Variants in TIAM2 observed in about 807,000 individuals in gnomAD.
The protein encoded by TIAM2 is rho guanine nucleotide exchange factor TIAM2.
A neutral mutation model predicts 152.9 loss-of-function variants in TIAM2; 80 were observed. The observed-to-expected ratio is 0.52, with a 90% CI of 0.44 to 0.63. The LOEUF is 0.63. Ranked by LOEUF, TIAM2 falls within the 30% of genes least tolerant of loss-of-function variation. The probability of loss-of-function intolerance (pLI) is 0.00; values close to 1 mark genes in which losing one functional copy is unlikely to be tolerated. For missense variants in TIAM2, 1,965 were observed against 2,120.1 expected (o/e 0.93, Z 1.44); for synonymous variants, 804 against 838.0 (o/e 0.96, Z 0.70).
At position 155,188,526 on chromosome 6, in the gene TIAM2, T is replaced by C. The variant is rs114534826; in HGVS notation, c.3064+5026T>C. On this transcript the variant is annotated intron_variant, in intron 14 of 26. Transcript: ENST00000682666. ...ATTTGACTTGAGCGGAAATATCATC[T>C]GTAAAAACTTTTTATGGAGAGAATT... Among the ~76,000 whole-genome samples, 1,048 of 152,358 alleles carry C rather than the reference T, an allele frequency of 6.9e-3. 14 individuals are homozygous for C. The highest frequency in any genetic ancestry group is 0.024 in the African/African-American group (985 of 41,590).
intron 1 of TIAM2, among the ~76,000 whole-genome samples, chr6:155,044,737 G>A (rs980597151): frequency 2.0e-5 from 3 of 151,912 alleles, no homozygotes; most frequent in African/African-American, 7.3e-5. Flanking sequence ...GTTTGAACCC[G>A]GGAGGCAGAG....
intron 1 of TIAM2, among the ~76,000 whole-genome samples, chr6:155,069,399 G>A (rs1247146442): frequency 6.6e-6 from 1 of 152,038 alleles, no homozygotes; most frequent in Middle Eastern, 3.2e-3. Flanking sequence ...CAGCCTGTTA[G>A]TAAACTTTAT....
rs201873912 is a variant in TIAM2 at position 155,256,970 on chromosome 6, C to T, written c.4955C>T (p.Ala1652Val). 3.9e-4 allele frequency: 633 copies of T among 1,614,126 alleles called. 2 individuals carry two copies. Among genetic ancestry groups the T allele is most frequent in the Non-Finnish European group, 5.0e-4 (588 of 1,180,018 alleles). The change falls in exon 27 of 27, where the codon GCG becomes GTG. Residue 1652 changes from alanine (A) to valine (V), a missense_variant. Around this residue, in one of 3 missense-constraint regions of TIAM2, gnomAD observed 935 missense variants for 980.0 expected, o/e 0.95. Transcript: ENST00000682666. ...TKRDRGTLLKAQIRHQSLDSQ... is the reference protein window; with the variant it reads ...TKRDRGTLLKVQIRHQSLDSQ... ...AGGGACAGAGGAACTTTGCTCAAGG[C>T]GCAGATCCGTCACCAGTCCCTTGAC...
At chr6:155,038,423 T>C (rs1279526512) in intron 1 of TIAM2, among the ~76,000 whole-genome samples, 1 of 152,144 alleles carries the variant, frequency 6.6e-6, no homozygotes, top group Admixed American at 6.5e-5. Context: ...ATTTCCACTC[T>C]CCCTTAAATG....
chr6:155,215,779 T>TG (rs1385619054), intron 15 of TIAM2, among the ~76,000 whole-genome samples: 1 of 149,880 alleles, frequency 6.7e-6, no homozygotes, highest in African/African-American at 2.4e-5. Flanking sequence ...AATCCTCTTC[T>TG]GGATTTTTTT....
chr6:155,218,630 T>C lies in TIAM2; in HGVS notation c.3168+7323T>C, dbSNP rs1781932696. On this transcript the variant is annotated intron_variant, in intron 15 of 26. Coordinates refer to ENST00000682666, the MANE Select transcript of TIAM2 (RefSeq NM_012454.4). This position sits in a 1 kb window ranked among gnomAD's most constrained non-coding sequence, Gnocchi z 4.5. ...GGGGAGAGAGGATTAGGCTGTAAGCTGCCCCTTCCTGGTGCGTCTCCCATG... is the reference window on the plus strand; with the variant it reads ...GGGGAGAGAGGATTAGGCTGTAAGCCGCCCCTTCCTGGTGCGTCTCCCATG... 6.6e-6 allele frequency among the ~76,000 whole-genome samples: 1 copy of C among 152,226 alleles called. No individual in the cohort carries two copies. Among genetic ancestry groups the C allele is most frequent in the Non-Finnish European group, 1.5e-5 (1 of 68,030 alleles).
intron 1 of TIAM2, among the ~76,000 whole-genome samples, chr6:155,076,550 A>T (rs1428218987): frequency 6.6e-6 from 1 of 152,130 alleles, no homozygotes; most frequent in African/African-American, 2.4e-5. Flanking sequence ...ATTGGTATGG[A>T]CTTTCTAATT....
At chr6:155,227,122 T>C (rs186544055) in intron 15 of TIAM2, among the ~76,000 whole-genome samples, 142 of 152,368 alleles carry the variant, frequency 9.3e-4, no homozygotes, top group Admixed American at 2.4e-3. Context: ...GAAAAGATAC[T>C]TGGACCAGAA....
chr6:155,050,117 T>C (rs1299145761), intron 1 of TIAM2, among the ~76,000 whole-genome samples: 2 of 152,208 alleles, frequency 1.3e-5, no homozygotes, highest in African/African-American at 4.8e-5. Context: ...TTTATTTTTG[T>C]TTTTTCAATA....
intron 7 of TIAM2, among the ~76,000 whole-genome samples, chr6:155,157,153 C>T (rs933175409): frequency 2.0e-5 from 3 of 152,186 alleles, no homozygotes; most frequent in East Asian, 1.9e-4. Context: ...ACCTCTGTCT[C>T]GTCTGTCCAG....
intron 14 of TIAM2, among the ~76,000 whole-genome samples, chr6:155,196,152 T>C (rs1416002828): frequency 6.6e-6 from 1 of 151,926 alleles, no homozygotes; most frequent in African/African-American, 2.4e-5. Flanking sequence ...CTTGGGGTGG[T>C]GGCAGTGGCA....
At chr6:155,246,898 C>G (rs1447395972) in intron 19 of TIAM2, among the ~76,000 whole-genome samples, 1 of 152,242 alleles carries the variant, frequency 6.6e-6, no homozygotes. Context: ...TTCAGAGTAG[C>G]TGCATTCCAA....
chr6:155,137,081 A>T lies in TIAM2; in HGVS notation c.1195-96A>T, dbSNP rs1444777463. 9.2e-6 allele frequency: 12 copies of T among 1,300,920 alleles called. No individual in the cohort carries two copies. In the African/African-American group the frequency reaches 1.8e-4, roughly 19 times the overall value. 80.6% of individuals were successfully genotyped at this position (1,300,920 alleles called of 1,614,324 possible). A position where few individuals can be genotyped will look rare whatever the true frequency, so the allele number is the denominator to read the frequency against. On this transcript the variant is annotated intron_variant, in intron 4 of 26. Coordinates refer to ENST00000682666, the MANE Select transcript of TIAM2 (RefSeq NM_012454.4). ...CAAGAATCTTGCTTTGCATTACATT[A>T]TCAGCAGCCACTGGTATTACACTTA...
intron 1 of TIAM2, among the ~76,000 whole-genome samples, chr6:155,089,665 G>C (rs531843705): frequency 6.6e-6 from 1 of 152,248 alleles, no homozygotes; most frequent in East Asian, 1.9e-4. Flanking sequence ...CAGATTTCAG[G>C]CTAGTTGTCA....
chr6:155,245,824 G>C (rs975535488), intron 19 of TIAM2, 93 bp downstream of exon 19: 1 of 863,754 alleles, frequency 1.2e-6, no homozygotes, highest in Non-Finnish European at 1.7e-6. Context: ...TAGAGAGTAA[G>C]TACAATTTTG....
intron 1 of TIAM2, among the ~76,000 whole-genome samples, chr6:155,029,673 A>G (rs1278675126): frequency 8.8e-5 from 8 of 90,622 alleles, no homozygotes; most frequent in Non-Finnish European, 2.0e-4. Flanking sequence ...ATAACTATAT[A>G]CAGAGTTATA....
At chr6:155,226,412 G>A (rs1184688952) in intron 15 of TIAM2, among the ~76,000 whole-genome samples, 1 of 152,198 alleles carries the variant, frequency 6.6e-6, no homozygotes, top group Non-Finnish European at 1.5e-5. Flanking sequence ...GCTCACGCCT[G>A]TAATCCCAGT....
chr6:155,254,607 A>G (rs1289187741), intron 26 of TIAM2, 34 bp downstream of exon 26: 9 of 1,601,668 alleles, frequency 5.6e-6, no homozygotes, highest in Non-Finnish European at 6.8e-6. Context: ...TTTATTCAAC[A>G]AAATATTATG....
chr6:155,181,565 A>T (rs151022362), intron 12 of TIAM2, among the ~76,000 whole-genome samples: 1 of 152,184 alleles, frequency 6.6e-6, no homozygotes, highest in African/African-American at 2.4e-5. Flanking sequence ...ACCATCATCT[A>T]TCTCTAGAAA....
Sources: allele counts gnomAD v4.1 joint callset (sites outside exome capture counted in the v4.1 genomes callset), GRCh38; gene constraint gnomAD v4.1.1; regional missense constraint gnomAD v4.1.1; non-coding constraint Gnocchi (gnomAD v3.1); transcripts MANE v1.5; gene names NCBI Gene and HGNC (gene_info 2026-07-23, HGNC 2026-07-21).